SREBF2: variants seen among roughly 807,000 people sequenced by gnomAD.
SREBF2 encodes sterol regulatory element binding transcription factor 2, also known as sterol regulatory element-binding protein 2.
Under a neutral mutation model 113.1 loss-of-function variants are expected in SREBF2, and 55 were observed. The ratio of observed to expected loss-of-function variants is 0.49; its 90% CI spans 0.39 to 0.61. SREBF2 has a LOEUF of 0.61. Ranked by LOEUF, SREBF2 falls within the 20% of genes least tolerant of loss-of-function variation. SREBF2 has a pLI of 0.00. For missense variants in SREBF2, 1,349 were observed against 1,487.4 expected, an observed-to-expected ratio of 0.91 and a Z score of 1.53; for synonymous variants, 593 against 605.7, an observed-to-expected ratio of 0.98 and a Z score of 0.31.
At chr22:41,849,312 C>G (rs916204552) in intron 1 of SREBF2, among the ~76,000 whole-genome samples, 1 of 152,172 alleles carries the variant, frequency 6.6e-6, no homozygotes, top group Non-Finnish European at 1.5e-5. Context: ...CTGCCTCAGC[C>G]TCCCAAGTAG....
In SREBF2 at chr22:41,833,676, G is replaced by A; in HGVS notation, c.88+318G>A. On this transcript the variant is annotated intron_variant, in intron 1 of 18. Coordinates refer to ENST00000361204, the MANE Select transcript of SREBF2 (RefSeq NM_004599.4). This position sits in a 1 kb window ranked among gnomAD's most constrained non-coding sequence, Gnocchi z 4.1. ...AGCGGCCTAAGGAGAGCGCGTGGCC[G>A]CCGCCTCCCTCGCGCGCCCACACGC... 3.9e-6 allele frequency: 1 copy of A among 253,692 alleles called. No individual in the cohort carries two copies. The highest frequency in any genetic ancestry group is 7.5e-6 in the Non-Finnish European group (1 of 133,384). The allele number at this position is 253,692 out of a possible 1,614,324, so 15.7% of individuals were successfully genotyped here.
At chr22:41,844,029 TACATACAC>T (rs1328164111) in intron 1 of SREBF2, among the ~76,000 whole-genome samples, 1 of 48,752 alleles carries the variant, frequency 2.1e-5, no homozygotes, top group African/African-American at 7.5e-5. Flanking sequence ...AAAAAAAAAA[TACATACAC>T]ACACACACAC....
chr22:41,884,757 C>CT (rs969474068), intron 10 of SREBF2, 85 bp from the exon 11 acceptor site: 1 of 1,473,760 alleles, frequency 6.8e-7, no homozygotes, highest in African/African-American at 1.4e-5. Flanking sequence ...TGGTTCCTCT[C>CT]TTACTTTGAT....
At chr22:41,882,957 A>G (rs1186790682) in intron 10 of SREBF2, among the ~76,000 whole-genome samples, 2 of 152,226 alleles carry the variant, frequency 1.3e-5, no homozygotes, top group Admixed American at 1.3e-4. Context: ...AATTCAAAAA[A>G]TTAGCTGGTT....
rs780420863 is a variant in SREBF2, at chr22:41,868,755, T to G, written c.683T>G (p.Val228Gly). 6.2e-7 allele frequency: 1 copy of G among 1,613,686 alleles called. No individual in the cohort carries two copies. The highest frequency in any genetic ancestry group is 1.1e-5 in the South Asian group (1 of 91,028). Reference sequence around the variant, plus strand: ...CTGCAGACCCTTGCCCCGGCTACGGTGCAGACAGTTGCTGCGCCACAGGTG... The same window carrying G: ...CTGCAGACCCTTGCCCCGGCTACGGGGCAGACAGTTGCTGCGCCACAGGTG... ...GTLQTLAPATVQTVAAPQVQQ... is the reference protein window; with the variant it reads ...GTLQTLAPATGQTVAAPQVQQ... Residue 228 changes from valine to glycine, a missense_variant, in exon 3 of 19, where the codon GTG becomes GGG. Coordinates refer to ENST00000361204, the MANE Select transcript of SREBF2 (RefSeq NM_004599.4).
chr22:41,884,581 T>TA (rs1238338453), intron 10 of SREBF2, among the ~76,000 whole-genome samples: 2 of 152,210 alleles, frequency 1.3e-5, no homozygotes, highest in African/African-American at 4.8e-5. Context: ...CTGAGTCCTA[T>TA]ACAACAACCT....
At chr22:41,854,070 T>G (rs565557165) in intron 1 of SREBF2, among the ~76,000 whole-genome samples, 1 of 151,726 alleles carries the variant, frequency 6.6e-6, no homozygotes, top group East Asian at 1.9e-4. Context: ...ATGATCACCA[T>G]TTTTATAAGT....
At chr22:41,844,139 G>A (rs2076856947) in intron 1 of SREBF2, among the ~76,000 whole-genome samples, 1 of 151,640 alleles carries the variant, frequency 6.6e-6, no homozygotes, top group South Asian at 2.1e-4. Context: ...GACTTCCCCT[G>A]GGTCCTAGGG....
Position 41,875,398 on chromosome 22 carries a change from A to C in SREBF2, c.1151A>C (p.Asn384Thr). 6.2e-7 allele frequency: 1 copy of C among 1,614,208 alleles called. No homozygotes were observed. The change falls in exon 6 of 19, where the codon AAT becomes ACT. Residue 384 changes from asparagine (N) to threonine (T), a missense_variant. Physicochemically the swap from Asn to Thr is moderately conservative, Grantham distance 65. Transcript: ENST00000361204. ...TACATCAAATACTTGCAGCAGGTCAATCATAAACTGCGCCAGGAGAACATG... is the reference window on the plus strand; with the variant it reads ...TACATCAAATACTTGCAGCAGGTCACTCATAAACTGCGCCAGGAGAACATG... Reference protein sequence around the residue: ...IDYIKYLQQVNHKLRQENMVL... With the variant: ...IDYIKYLQQVTHKLRQENMVL...
At chr22:41,884,133 GT>G (rs569611015) in intron 10 of SREBF2, among the ~76,000 whole-genome samples, 406 of 151,142 alleles carry the variant, frequency 2.7e-3, no homozygotes, top group African/African-American at 9.1e-3. Flanking sequence ...GTGAAGGCGG[GT>G]TTTTTTTTGG....
chr22:41,840,477 A>G (rs748595146), intron 1 of SREBF2, among the ~76,000 whole-genome samples: 1 of 152,120 alleles, frequency 6.6e-6, no homozygotes, highest in Non-Finnish European at 1.5e-5. Context: ...CACTTATTTT[A>G]GTGGAGCACA....
At chr22:41,866,034 C>T (rs2077071233) in intron 1 of SREBF2, among the ~76,000 whole-genome samples, 1 of 152,128 alleles carries the variant, frequency 6.6e-6, no homozygotes, top group South Asian at 2.1e-4. Flanking sequence ...GGCCTAGAGC[C>T]TCCCTGTGGT....
intron 15 of SREBF2, chr22:41,900,019 G>C: frequency 7.7e-7 from 1 of 1,297,082 alleles, no homozygotes; most frequent in Non-Finnish European, 9.9e-7. Context: ...CCACTTTATA[G>C]GTAAGGAAAC....
chr22:41,870,199 A>T (rs1034867198), intron 3 of SREBF2, among the ~76,000 whole-genome samples: 12 of 152,006 alleles, frequency 7.9e-5, no homozygotes, highest in Non-Finnish European at 1.5e-5. Flanking sequence ...CAGGTTTATT[A>T]TTTTTGCTTC....
At position 41,833,142 on chromosome 22, in the gene SREBF2, G is replaced by A; in HGVS notation, c.-129G>A. ...CGCCCGGGCGCAACGCAAACATGGCGGCGGGTGGCACCCGTCGGTGAGGCG... is the reference window on the plus strand; with the variant it reads ...CGCCCGGGCGCAACGCAAACATGGCAGCGGGTGGCACCCGTCGGTGAGGCG... On this transcript the variant is annotated 5_prime_UTR_variant, in exon 1 of 19. Transcript: ENST00000361204. The surrounding 1 kb of genome is among the most constrained non-coding windows in gnomAD (Gnocchi z 4.1). 5 of 638,900 alleles carry A rather than the reference G, an allele frequency of 7.8e-6. No individual in the cohort carries two copies. Among genetic ancestry groups the A allele is most frequent in the Non-Finnish European group, 1.2e-5 (5 of 414,176 alleles). 39.6% of individuals were successfully genotyped at this position (638,900 alleles called of 1,614,324 possible).
rs2077502589 is a variant in SREBF2, at chr22:41,905,697, A to G, written c.*37A>G. ...AGCCCACCCCTCCACCTCTCTCTCG[A>G]TTTCTCTCTCTCCCCCTCAGCATCT... On this transcript the variant is annotated 3_prime_UTR_variant, in exon 19 of 19. Transcript: ENST00000361204. 11 of 1,536,050 alleles carry G rather than the reference A, an allele frequency of 7.2e-6. No individual in the cohort carries two copies. In the South Asian group the frequency reaches 1.3e-4, roughly 18 times the overall value.
chr22:41,858,866 G>A (rs1055422878), intron 1 of SREBF2, among the ~76,000 whole-genome samples: 1 of 152,070 alleles, frequency 6.6e-6, no homozygotes, highest in African/African-American at 2.4e-5. Context: ...GGGACCTGCC[G>A]GGCACAGTGG....
In SREBF2 at chr22:41,866,938, AGCAGTG is replaced by A. The variant is rs1212336619; in HGVS notation, c.201_206del (p.Gly68_Ser69del). On this transcript the variant is annotated inframe_deletion, in exon 2 of 19. Transcript: ENST00000361204. ...TGGTGGTAGTGGTAGCAGCAGCGGCAGCAGTGGCAGCAGCAGCAGCAGCAGCAATGG... is the reference window on the plus strand; with the variant it reads ...TGGTGGTAGTGGTAGCAGCAGCGGCAGCAGCAGCAGCAGCAGCAGCAATGG... 1 of 1,613,790 alleles carries A rather than the reference AGCAGTG, an allele frequency of 6.2e-7. No individual in the cohort carries two copies. Among genetic ancestry groups the A allele is most frequent in the African/African-American group, 1.3e-5 (1 of 74,914 alleles).
chr22:41,878,103 G>T lies in SREBF2; in HGVS notation c.1741G>T (p.Ala581Ser). The stretch of plus-strand genomic sequence containing the variant: ...CACCTTCTGGAGGCACCGGAAACAG[G>T]CAGATCTGGATCTCGCCAGAGTGAG... ...SVTFWRHRKQ[A>S]DLDLARGDFA... The change falls in exon 9 of 19, where the codon GCA becomes TCA. Residue 581 changes from alanine to serine, a missense_variant. Physicochemically the swap from Ala to Ser is moderately conservative, Grantham distance 99. Coordinates refer to ENST00000361204, the MANE Select transcript of SREBF2 (RefSeq NM_004599.4). The T allele has an allele frequency of 6.8e-6, 11 of 1,614,152 alleles. No individual in the cohort carries two copies. The highest frequency in any genetic ancestry group is 9.3e-6 in the Non-Finnish European group (11 of 1,180,040).
Sources: allele counts gnomAD v4.1 joint callset (sites outside exome capture counted in the v4.1 genomes callset), GRCh38; gene constraint gnomAD v4.1.1; non-coding constraint Gnocchi (gnomAD v3.1); transcripts MANE v1.5; gene names NCBI Gene and HGNC (gene_info 2026-07-23, HGNC 2026-07-21).